Variants in TCIRG1 observed in about 807,000 individuals in gnomAD.
The protein encoded by TCIRG1 is V-type proton ATPase 116 kDa subunit a 3.
A neutral mutation model predicts 95.5 loss-of-function variants in TCIRG1; 86 were observed. That is an observed-to-expected ratio of 0.90 (90% CI 0.76 to 1.08). TCIRG1 has a LOEUF of 1.08. TCIRG1 is among the 50% of genes least tolerant of loss of function. TCIRG1 has a pLI of 0.00. For missense variants in TCIRG1, 1,069 were observed against 1,140.2 expected (o/e 0.94, Z 0.90); for synonymous variants, 499 against 501.3 (o/e 1.00, Z 0.06).
chr11:68,041,355 G>C lies in TCIRG1; in HGVS notation c.84G>C (p.Arg28=). The change falls in exon 2 of 20, where the codon CGG becomes CGC. Residue 28 remains arginine (R), a synonymous_variant. Coordinates refer to ENST00000265686, the MANE Select transcript of TCIRG1 (RefSeq NM_006019.4). ...PTAAAYTCVS[R]LGELGLVEFR... ...CGGCTGCCTACACCTGCGTGAGTCGGCTGGGCGAGCTGGGCCTCGTGGAGT... is the reference window on the plus strand; with the variant it reads ...CGGCTGCCTACACCTGCGTGAGTCGCCTGGGCGAGCTGGGCCTCGTGGAGT... The C allele has an allele frequency of 6.2e-7, 1 of 1,612,962 alleles. No individual in the cohort carries two copies. The highest frequency in any genetic ancestry group is 2.2e-5 in the East Asian group (1 of 44,872).
intron 1 of TCIRG1, 99 bp from the exon 2 acceptor site, chr11:68,041,169 C>A: frequency 1.2e-6 from 1 of 840,154 alleles, no homozygotes; most frequent in Non-Finnish European, 2.1e-6. Context: ...GTGGTAACAG[C>A]AGCTTCCAGG....
At position 68,049,782 on chromosome 11, in the gene TCIRG1, C is replaced by G. The variant is rs1317637638; in HGVS notation, c.2007C>G (p.Asp669Glu). ...HRRRLRRRPA[D>E]RQEENKAGLL... ...GCCGCCTGCGGAGGAGGCCCGCTGA[C>G]CGACAGGTGGGACCGGGGCCTAAGG... The change falls in exon 16 of 20, where the codon GAC (aspartate) becomes GAG (glutamate). Residue 669 changes from aspartate (D) to glutamate (E), a missense_variant. By Grantham distance (45) the Asp-to-Glu change is conservative. Coordinates refer to ENST00000265686, the MANE Select transcript of TCIRG1 (RefSeq NM_006019.4). 1 of 1,571,022 alleles carries G rather than the reference C, an allele frequency of 6.4e-7. No individual in the cohort carries two copies. Among genetic ancestry groups the G allele is most frequent in the Admixed American group, 1.8e-5 (1 of 54,132 alleles).
chr11:68,044,771 T>A (rs1855386291), intron 9 of TCIRG1, 187 bp from the exon 10 acceptor site: 1 of 717,248 alleles, frequency 1.4e-6, no homozygotes, highest in South Asian at 1.8e-5. Flanking sequence ...CAATTGCCAA[T>A]CCATGTGGTG....
At position 68,047,654 on chromosome 11, in the gene TCIRG1, A is replaced by G. The variant is rs752451271; in HGVS notation, c.1313A>G (p.Gln438Arg). Residue 438 changes from glutamine to arginine, a missense_variant, in exon 12 of 20, where the codon CAG becomes CGG. Coordinates refer to ENST00000265686, the MANE Select transcript of TCIRG1 (RefSeq NM_006019.4). ...AVKAAQNEIW[Q>R]TFFRGRYLLL... ...ACACCACTGCCCCCCCAGATCTGGC[A>G]GACTTTCTTCAGGGGCCGCTACCTG... The G allele has an allele frequency of 3.7e-6, 6 of 1,613,232 alleles. No homozygotes were observed. The East Asian group carries it at 1.1e-4, about 30-fold the overall frequency.
At position 68,044,146 on chromosome 11, in the gene TCIRG1, A is replaced by AGAGC; in HGVS notation, c.824_827dup (p.Phe277AlafsTer214). 6.5e-7 allele frequency: 1 copy of AGAGC among 1,549,866 alleles called. No individual in the cohort carries two copies. Among genetic ancestry groups the AGAGC allele is most frequent in the Non-Finnish European group, 8.7e-7 (1 of 1,147,326 alleles). On this transcript the variant is annotated frameshift_variant, in exon 9 of 20. Transcript: ENST00000265686. LOFTEE classifies it high-confidence loss of function. ...CTCTGGCGCAGGTCCTCGGGGAGAC[A>AGAGC]GAGCGGTTCCTGAGCCAGGTGCTAG...
At position 68,050,843 on chromosome 11, in the gene TCIRG1, C is replaced by T; in HGVS notation, c.*24C>T. The stretch of plus-strand genomic sequence containing the variant: ...AGGGCCCACTGCAGGTCCTGCCAGA[C>T]CTCCTTCCTGACCTCTGAGGCAGGA... On this transcript the variant is annotated 3_prime_UTR_variant, in exon 20 of 20. Transcript: ENST00000265686. The T allele has an allele frequency of 1.2e-6, 2 of 1,610,732 alleles. No homozygotes were observed. The highest frequency in any genetic ancestry group is 1.7e-6 in the Non-Finnish European group (2 of 1,179,118).
At chr11:68,046,401 T>C (rs1293282776) in intron 10 of TCIRG1, among the ~76,000 whole-genome samples, 1 of 152,172 alleles carries the variant, frequency 6.6e-6, no homozygotes, top group East Asian at 1.9e-4. Flanking sequence ...TCTGAGGCTG[T>C]CCAGGAAGAT....
At chr11:68,041,448 TC>T in intron 2 of TCIRG1, 60 bp downstream of exon 2, 1 of 1,271,066 alleles carries the variant, frequency 7.9e-7, no homozygotes, top group Non-Finnish European at 1.1e-6. Flanking sequence ...CGGAGGCCGG[TC>T]CAGGATGGGG....
At position 68,043,878 on chromosome 11, in the gene TCIRG1, C is replaced by T. The variant is rs868712159; in HGVS notation, c.778C>T (p.Leu260=). Residue 260 remains leucine (L), a synonymous_variant, in exon 8 of 20, where the codon CTG becomes TTG. Coordinates refer to ENST00000265686, the MANE Select transcript of TCIRG1 (RefSeq NM_006019.4). ...GGCCCGCCTCGGGGCCCTGCAGCAGCTGCAACAGCAGAGCCAGGAGCTGCA... is the reference window on the plus strand; with the variant it reads ...GGCCCGCCTCGGGGCCCTGCAGCAGTTGCAACAGCAGAGCCAGGAGCTGCA... ...EEARLGALQQ[L]QQQSQELQEV... The T allele has an allele frequency of 6.4e-7, 1 of 1,563,792 alleles. No individual in the cohort carries two copies. The highest frequency in any genetic ancestry group is 1.9e-5 in the Admixed American group (1 of 52,828).
chr11:68,047,298 G>C, intron 10 of TCIRG1, 135 bp from the exon 11 acceptor site: 1 of 561,522 alleles, frequency 1.8e-6, no homozygotes, highest in South Asian at 1.6e-5. Context: ...TGGGATTACA[G>C]GCATGAGCCA....
intron 10 of TCIRG1, chr11:68,046,898 G>A (rs1486430676): frequency 6.6e-6 from 3 of 456,068 alleles, no homozygotes; most frequent in South Asian, 4.6e-5. Flanking sequence ...TGCCCGTGGA[G>A]AACTTATGAA....
At chr11:68,048,298 T>C in intron 13 of TCIRG1, 1 of 428,012 alleles carries the variant, frequency 2.3e-6, no homozygotes, top group Non-Finnish European at 4.3e-6. Flanking sequence ...TCTTTTTTCT[T>C]TTTTTTATTT....
In TCIRG1 at chr11:68,048,975, G is replaced by T; in HGVS notation, c.1651G>T (p.Val551Phe). ...LGVVHMAFGV[V>F]LGVFNHVHFG... ...CGTCGTGCACATGGCCTTTGGGGTG[G>T]TCCTCGGAGTCTTCAACCACGTGTG... The change falls in exon 14 of 20, where the codon GTC (valine) becomes TTC (phenylalanine). Residue 551 changes from valine (V) to phenylalanine (F), a missense_variant. Transcript: ENST00000265686. The T allele has an allele frequency of 6.2e-7, 1 of 1,613,684 alleles. No individual in the cohort carries two copies. Among genetic ancestry groups the T allele is most frequent in the Non-Finnish European group, 8.5e-7 (1 of 1,180,016 alleles).
intron 15 of TCIRG1, 116 bp from the exon 16 acceptor site, chr11:68,049,547 G>A (rs1855685104): frequency 7.0e-7 from 1 of 1,419,558 alleles, no homozygotes; most frequent in Non-Finnish European, 9.6e-7. Context: ...GAGCCCCCGG[G>A]GGCCCTGGAG....
chr11:68,040,329 C>T (rs529756071), intron 1 of TCIRG1, among the ~76,000 whole-genome samples: 47 of 152,234 alleles, frequency 3.1e-4, no homozygotes, highest in Admixed American at 2.2e-3. Flanking sequence ...AACCCAGCCC[C>T]GCTGCCCCCT....
At chr11:68,045,781 G>A (rs1855451328) in intron 10 of TCIRG1, among the ~76,000 whole-genome samples, 2 of 152,242 alleles carry the variant, frequency 1.3e-5, no homozygotes, top group South Asian at 2.1e-4. Context: ...TTGAACCCCC[G>A]ACCTCACGTG....
intron 1 of TCIRG1, 72 bp from the exon 2 acceptor site, chr11:68,041,196 T>A: frequency 1.0e-6 from 1 of 986,100 alleles, no homozygotes; most frequent in South Asian, 1.3e-5. Flanking sequence ...TGAGTGAAGG[T>A]GCACAGGTGC....
At chr11:68,044,432 T>G in intron 9 of TCIRG1, 88 bp downstream of exon 9, 2 of 1,120,610 alleles carry the variant, frequency 1.8e-6, no homozygotes, top group South Asian at 2.7e-5. Context: ...TCTGGCTCCC[T>G]GCACCTGGGC....
intron 1 of TCIRG1, among the ~76,000 whole-genome samples, chr11:68,040,132 G>A (rs1483858780): frequency 6.6e-6 from 1 of 152,226 alleles, no homozygotes; most frequent in East Asian, 1.9e-4. Flanking sequence ...AAGGGATTCA[G>A]TTGAGGCTCT....
Sources: allele counts gnomAD v4.1 joint callset (sites outside exome capture counted in the v4.1 genomes callset), GRCh38; gene constraint gnomAD v4.1.1; transcripts MANE v1.5; gene names NCBI Gene and HGNC (gene_info 2026-07-23, HGNC 2026-07-21).